Variants in ASTN2 observed in about 807,000 individuals in gnomAD.
ASTN2 encodes the protein astrotactin-2.
ASTN2 carries 54 observed loss-of-function variants against 139.8 expected under a neutral mutation model. The ratio of observed to expected loss-of-function variants is 0.39; its 90% CI spans 0.31 to 0.48. ASTN2 has a LOEUF of 0.48. Ranked by LOEUF, ASTN2 falls within the 20% of genes least tolerant of loss-of-function variation. The pLI, the probability that ASTN2 is intolerant of heterozygous loss-of-function variation, is 0.95. For missense variants in ASTN2, 1,565 were observed against 1,725.1 expected (o/e 0.91, Z 1.64); for synonymous variants, 756 against 719.5 (o/e 1.05, Z -0.81).
intron 2 of ASTN2, among the ~76,000 whole-genome samples, chr9:117,272,760 G>A (rs1834097094): frequency 6.6e-6 from 1 of 152,304 alleles, no homozygotes; most frequent in South Asian, 2.1e-4. Flanking sequence ...CTTTGCACCA[G>A]TTCCCAACAA....
At chr9:117,075,376 A>T in intron 5 of ASTN2, among the ~76,000 whole-genome samples, 1 of 152,022 alleles carries the variant, frequency 6.6e-6, no homozygotes, top group Non-Finnish European at 1.5e-5. Context: ...TAATTAGCTG[A>T]GAGAGGGAAG....
At chr9:116,535,265 G>T (rs749099465) in intron 19 of ASTN2, among the ~76,000 whole-genome samples, 3 of 152,166 alleles carry the variant, frequency 2.0e-5, no homozygotes, top group Admixed American at 1.3e-4. Context: ...CTCTGCACAT[G>T]AGATGGATAT....
At chr9:116,870,022 G>GCCTC (rs1833118870) in intron 10 of ASTN2, among the ~76,000 whole-genome samples, 1 of 151,744 alleles carries the variant, frequency 6.6e-6, no homozygotes, top group South Asian at 2.1e-4. Context: ...GAGGTAGGAG[G>GCCTC]ATTGCTTGAG....
At chr9:116,896,562 G>A (rs150352137) in intron 10 of ASTN2, among the ~76,000 whole-genome samples, 6 of 152,124 alleles carry the variant, frequency 3.9e-5, no homozygotes, top group South Asian at 4.2e-4. Context: ...CAGGTGATCC[G>A]CCTGCCTCAG....
At chr9:116,746,158 C>G (rs1829228133) in intron 13 of ASTN2, among the ~76,000 whole-genome samples, 1 of 150,178 alleles carries the variant, frequency 6.7e-6, no homozygotes, top group Non-Finnish European at 1.5e-5. Context: ...GCCATCTCAG[C>G]TCACTGCAAC....
At chr9:117,236,152 A>G (rs1463458121) in intron 2 of ASTN2, among the ~76,000 whole-genome samples, 1 of 152,200 alleles carries the variant, frequency 6.6e-6, no homozygotes, top group African/African-American at 2.4e-5. Flanking sequence ...TCCAAGACCC[A>G]TGGCTACTGT....
chr9:116,445,518 T>A (rs1248833498), intron 20 of ASTN2, among the ~76,000 whole-genome samples: 1 of 152,180 alleles, frequency 6.6e-6, no homozygotes, highest in Non-Finnish European at 1.5e-5. Flanking sequence ...GCTTCTGCAA[T>A]CCACTTCCTT....
At chr9:117,410,930 T>C (rs1267246515) in intron 1 of ASTN2, among the ~76,000 whole-genome samples, 1 of 152,202 alleles carries the variant, frequency 6.6e-6, no homozygotes, top group Non-Finnish European at 1.5e-5. Flanking sequence ...GTAGCTGAAG[T>C]TCCTTTGGAG....
chr9:116,762,775 T>A (rs902804679), intron 13 of ASTN2, among the ~76,000 whole-genome samples: 13 of 152,238 alleles, frequency 8.5e-5, no homozygotes, highest in African/African-American at 2.4e-4. Flanking sequence ...GTTTTGCCAG[T>A]GCAACAGCAA....
At chr9:116,682,447 A>C (rs1187189126) in intron 16 of ASTN2, among the ~76,000 whole-genome samples, 3 of 152,204 alleles carry the variant, frequency 2.0e-5, no homozygotes, top group Non-Finnish European at 4.4e-5. Flanking sequence ...ACTGGTTCAA[A>C]CATTGTGGAA....
intron 4 of ASTN2, among the ~76,000 whole-genome samples, chr9:117,099,632 G>T (rs940137894): frequency 6.6e-6 from 1 of 152,148 alleles, no homozygotes; most frequent in Non-Finnish European, 1.5e-5. Flanking sequence ...TAGGAGATAG[G>T]TTACTACATT....
chr9:116,729,031 G>A lies in ASTN2; in HGVS notation c.2587C>T (p.Leu863Phe). Residue 863 changes from leucine (L) to phenylalanine (F), a missense_variant, in exon 15 of 23, where the codon CTC becomes TTC. Physicochemically the swap from Leu to Phe is conservative, Grantham distance 22. Around this residue, in one of 4 missense-constraint regions of ASTN2, gnomAD observed 503 missense variants for 591.7 expected, o/e 0.85. Transcript: ENST00000313400. ...MVQQWRVRSN[L>F]YRVKLSTITL... ...ATGGTGCTGAGCTTCACACGGTAGA[G>A]GTTGCTCCGGACCCGCCACTGCTGC... 8.2e-6 allele frequency: 13 copies of A among 1,582,162 alleles called. No homozygotes were observed. The highest frequency in any genetic ancestry group is 1.1e-5 in the Non-Finnish European group (13 of 1,162,982).
At chr9:117,183,544 G>A (rs1831126597) in intron 3 of ASTN2, among the ~76,000 whole-genome samples, 1 of 152,208 alleles carries the variant, frequency 6.6e-6, no homozygotes, top group Admixed American at 6.5e-5. Flanking sequence ...AGGACAGTGA[G>A]AGGAAGGGGA....
At chr9:116,446,743 C>T (rs1334514242) in intron 20 of ASTN2, among the ~76,000 whole-genome samples, 2 of 152,134 alleles carry the variant, frequency 1.3e-5, no homozygotes, top group Non-Finnish European at 2.9e-5. Context: ...GAACACTGGC[C>T]AAGGTGGCTG....
chr9:116,648,291 C>T (rs1857712327), intron 17 of ASTN2, among the ~76,000 whole-genome samples: 1 of 152,010 alleles, frequency 6.6e-6, no homozygotes, highest in Non-Finnish European at 1.5e-5. Context: ...TGAGTCACCG[C>T]ACTTGGCCTA....
intron 10 of ASTN2, among the ~76,000 whole-genome samples, chr9:116,898,367 A>C (rs1833928408): frequency 6.6e-6 from 1 of 150,452 alleles, no homozygotes; most frequent in South Asian, 2.1e-4. Flanking sequence ...CTATGATCAC[A>C]CCACTGCACT....
At chr9:116,833,939 C>T (rs958291619) in intron 11 of ASTN2, among the ~76,000 whole-genome samples, 12 of 149,020 alleles carry the variant, frequency 8.1e-5, no homozygotes, top group South Asian at 4.3e-4. Flanking sequence ...CACATGAGGA[C>T]ACAGAAAGAA....
chr9:116,965,969 C>T (rs543870204), intron 10 of ASTN2, among the ~76,000 whole-genome samples: 26 of 152,320 alleles, frequency 1.7e-4, no homozygotes, highest in Middle Eastern at 6.8e-3. Context: ...AGATCACTTA[C>T]AGGAAGCTGA....
chr9:117,048,980 T>TTTTTTTTTTTTG (rs1838833350), intron 5 of ASTN2, among the ~76,000 whole-genome samples: 1 of 147,466 alleles, frequency 6.8e-6, no homozygotes, highest in African/African-American at 2.5e-5. Flanking sequence ...TTTTTTTTTT[T>TTTTTTTTTTTTG]GAGACGGAGT....
Sources: allele counts gnomAD v4.1 joint callset (sites outside exome capture counted in the v4.1 genomes callset), GRCh38; gene constraint gnomAD v4.1.1; regional missense constraint gnomAD v4.1.1; transcripts MANE v1.5; gene names NCBI Gene and HGNC (gene_info 2026-07-23, HGNC 2026-07-21).